Variants in TLN1 observed in about 807,000 individuals in gnomAD.
The protein encoded by TLN1 is talin-1.
TLN1 carries 56 observed loss-of-function variants against 292.3 expected under a neutral mutation model. That is an observed-to-expected ratio of 0.19 (90% CI 0.15 to 0.24). The LOEUF (loss-of-function observed/expected upper bound fraction) is 0.24. Among genes scored for constraint, TLN1 ranks in the 10% least tolerant of loss-of-function variants. The probability of loss-of-function intolerance (pLI) is 1.00; values close to 1 mark genes in which losing one functional copy is unlikely to be tolerated. For synonymous variants in TLN1, 1,119 were observed against 1,253.7 expected (o/e 0.89, Z 2.27); for missense variants, 2,433 against 3,248.2 (o/e 0.75, Z 6.10).
At chr9:35,723,293 T>C (rs776005948) in intron 7 of TLN1, 5 of 228,656 alleles carry the variant, frequency 2.2e-5, no homozygotes, top group African/African-American at 1.2e-4. Flanking sequence ...TAGAGATACA[T>C]GGTTTCTCCA....
rs1337523652 is a variant in TLN1 at position 35,697,896 on chromosome 9, T to C, written c.7521A>G (p.Glu2507=). The change falls in exon 57 of 57, where the codon GAA becomes GAG. Residue 2507 remains glutamate (E), a synonymous_variant. Transcript: ENST00000314888. ...CCAGCTCTCGTTCCTTCCGAAGCAT[T>C]TCTTCCTGTGCTGCGATGATCTGAG... ...GIAQIIAAQE[E]MLRKERELEE... is the part of the protein sequence containing the mutation. The C allele has an allele frequency of 1.9e-6, 3 of 1,614,188 alleles. No individual in the cohort carries two copies. The Admixed American group carries it at 5.0e-5, about 27-fold the overall frequency.
rs767331977 is a variant in TLN1, at chr9:35,698,835, G to C, written c.7098C>G (p.Ala2366=). The change falls in exon 53 of 57, where the codon GCC becomes GCG. Residue 2366 remains alanine (A), a synonymous_variant. Transcript: ENST00000314888. This position sits in a 1 kb window ranked among gnomAD's most constrained non-coding sequence, Gnocchi z 5.3. The part of the protein sequence containing the change: ...TSALVKAASA[A]QRELVAQGKV... ...TCCCTTGGGCCACTAGTTCTCTCTG[G>C]GCAGCCGACGCAGCCTTTACCAGTG... The C allele has an allele frequency of 3.1e-6, 5 of 1,614,108 alleles. No individual in the cohort carries two copies. Among genetic ancestry groups the C allele is most frequent in the Non-Finnish European group, 4.2e-6 (5 of 1,180,026 alleles).
At chr9:35,710,719 G>C (rs779423029) in intron 32 of TLN1, 36 bp from the exon 33 acceptor site, 1 of 1,613,618 alleles carries the variant, frequency 6.2e-7, no homozygotes. Flanking sequence ...GTCAGAGCAT[G>C]TCCTCAGAAC....
At chr9:35,716,010 G>A (rs766163929) in intron 20 of TLN1, among the ~76,000 whole-genome samples, 1 of 152,020 alleles carries the variant, frequency 6.6e-6, no homozygotes, top group Admixed American at 6.6e-5. Context: ...TACTATACAT[G>A]TATTGAAATG....
Position 35,716,377 on chromosome 9 carries a change from GA to G in TLN1, c.2625+12del. 1.2e-6 allele frequency: 2 copies of G among 1,614,012 alleles called. No individual in the cohort carries two copies. The highest frequency in any genetic ancestry group is 1.7e-6 in the Non-Finnish European group (2 of 1,179,926). On this transcript the variant is annotated intron_variant, in intron 20 of 56. Transcript: ENST00000314888. The stretch of plus-strand genomic sequence containing the variant: ...AGGGTCCAGTCTGGGAGTGTGCACA[GA>G]AGGCTTTGTACCTTGGCAGCCTCTA...
Position 35,708,250 on chromosome 9 carries a change from C to T in TLN1, c.4470+91G>A, listed in dbSNP as rs1825599911. On this transcript the variant is annotated intron_variant, in intron 34 of 56. Coordinates refer to ENST00000314888, the MANE Select transcript of TLN1 (RefSeq NM_006289.4). ...TGCAAGGTCAGAGATGGGTCCCTGCCCTCTTTCCCACATGCCTCACCTCCC... is the reference window on the plus strand; with the variant it reads ...TGCAAGGTCAGAGATGGGTCCCTGCTCTCTTTCCCACATGCCTCACCTCCC... The T allele has an allele frequency of 3.4e-6, 5 of 1,454,858 alleles. No homozygotes were observed. In the African/African-American group the frequency reaches 5.7e-5, roughly 17 times the overall value. The allele number at this position is 1,454,858 out of a possible 1,614,324, so 90.1% of individuals were successfully genotyped here. A position where few individuals can be genotyped will look rare whatever the true frequency, so the allele number is the denominator to read the frequency against.
In TLN1 at chr9:35,720,495, A is replaced by T. The variant is rs768004634; in HGVS notation, c.1221T>A (p.Asp407Glu). 1 of 1,613,998 alleles carries T rather than the reference A, an allele frequency of 6.2e-7. No homozygotes were observed. Among genetic ancestry groups the T allele is most frequent in the East Asian group, 2.2e-5 (1 of 44,870 alleles). ...DIILKKKKSK[D>E]HFGLEGDEES... is the part of the protein sequence containing the mutation. Reference sequence around the variant, plus strand: ...CCTCATCTCCTTCCAGCCCAAAGTGATCCTTGCTTTTTTTCTGTAGGAAGG... The same window carrying T: ...CCTCATCTCCTTCCAGCCCAAAGTGTTCCTTGCTTTTTTTCTGTAGGAAGG... The change falls in exon 12 of 57, where the codon GAT (aspartate) becomes GAA (glutamate). Residue 407 changes from aspartate to glutamate, a missense_variant. Around this residue, in one of 7 missense-constraint regions of TLN1, gnomAD observed 57 missense variants for 136.5 expected, o/e 0.42. Transcript: ENST00000314888.
At position 35,722,850 on chromosome 9, in the gene TLN1, C is replaced by A; in HGVS notation, c.843+11G>T. On this transcript the variant is annotated intron_variant, in intron 8 of 56. Transcript: ENST00000314888. ...CGGTCATCCCAAATACTTTCCCCTACCCACATTCACCTGGAAGATCTTACG... is the reference window on the plus strand; with the variant it reads ...CGGTCATCCCAAATACTTTCCCCTAACCACATTCACCTGGAAGATCTTACG... The A allele has an allele frequency of 6.2e-7, 1 of 1,613,582 alleles. No homozygotes were observed. The highest frequency in any genetic ancestry group is 8.5e-7 in the Non-Finnish European group (1 of 1,179,600).
In TLN1 at chr9:35,710,880, G is replaced by A. The variant is rs556004234; in HGVS notation, c.4120C>T (p.Arg1374Trp). Residue 1374 changes from arginine (R) to tryptophan (W), a missense_variant, in exon 32 of 57, where the codon CGG becomes TGG. Coordinates refer to ENST00000314888, the MANE Select transcript of TLN1 (RefSeq NM_006289.4). ...TGGACTGGGTTCTCCAGGAGTTCCCGGACCGTCTGTGTAGGGGGAGGGCAA... is the reference window on the plus strand; with the variant it reads ...TGGACTGGGTTCTCCAGGAGTTCCCAGACCGTCTGTGTAGGGGGAGGGCAA... ...DNALRELETV[R>W]ELLENPVQPI... 1.4e-5 allele frequency: 22 copies of A among 1,614,182 alleles called. No individual in the cohort carries two copies. The highest frequency in any genetic ancestry group is 1.8e-5 in the Non-Finnish European group (21 of 1,180,038).
At chr9:35,722,963 C>A (rs1825902941) in intron 7 of TLN1, 42 bp from the exon 8 acceptor site, 1 of 1,591,662 alleles carries the variant, frequency 6.3e-7, no homozygotes, top group Admixed American at 1.7e-5. Context: ...TAGACAGCAT[C>A]AGGGGACATG....
Position 35,724,722 on chromosome 9 carries a change from T to C in TLN1, c.361A>G (p.Ile121Val), listed in dbSNP as rs749249409. ...AATGAATATTCATCATGATTGGTGA[T>C]GCCTGAGGAAGGAGATGGCTTGTTA... is the stretch of plus-strand genomic sequence containing the variant. The part of the protein sequence containing the change: ...MLMTICARIG[I>V]TNHDEYSLVR... The change falls in exon 5 of 57, where the codon ATC (isoleucine) becomes GTC (valine). Residue 121 changes from isoleucine (I) to valine (V), a missense_variant and splice_region_variant. Around this residue, in one of 7 missense-constraint regions of TLN1, gnomAD observed 155 missense variants for 287.9 expected, o/e 0.54. Coordinates refer to ENST00000314888, the MANE Select transcript of TLN1 (RefSeq NM_006289.4). The surrounding 1 kb of genome is among the most constrained non-coding windows in gnomAD (Gnocchi z 4.7). The C allele has an allele frequency of 6.2e-7, 1 of 1,614,160 alleles. No homozygotes were observed. The highest frequency in any genetic ancestry group is 8.5e-7 in the Non-Finnish European group (1 of 1,180,032).
At position 35,707,583 on chromosome 9, in the gene TLN1, T is replaced by A; in HGVS notation, c.4633-95A>T. 6.3e-7 allele frequency: 1 copy of A among 1,576,708 alleles called. No homozygotes were observed. The highest frequency in any genetic ancestry group is 1.7e-5 in the Admixed American group (1 of 57,966). On this transcript the variant is annotated intron_variant, in intron 35 of 56. Transcript: ENST00000314888. The surrounding 1 kb of genome is among the most constrained non-coding windows in gnomAD (Gnocchi z 5.6). ...TCTCCTTCCTGGGACTTACAGGATT[T>A]GGGGAGAGGCTAGGTGGTCAGTCTG...
Position 35,711,235 on chromosome 9 carries a change from G to T in TLN1, c.4019+20C>A, listed in dbSNP as rs200057562. On this transcript the variant is annotated intron_variant, in intron 30 of 56. Transcript: ENST00000314888. ...TCTCTCTCACACAGTCCAGGGCTGG[G>T]CTTCTCAGCAACTACTTACCTGGCA... 2 of 1,613,948 alleles carry T rather than the reference G, an allele frequency of 1.2e-6. No individual in the cohort carries two copies. The highest frequency in any genetic ancestry group is 8.5e-7 in the Non-Finnish European group (1 of 1,180,044).
chr9:35,711,199 C>G, intron 30 of TLN1, 56 bp downstream of exon 30: 1 of 1,611,342 alleles, frequency 6.2e-7, no homozygotes, highest in Non-Finnish European at 8.5e-7. Flanking sequence ...CATGAACTGC[C>G]TGCTCCCCAG....
At position 35,711,621 on chromosome 9, in the gene TLN1, C is replaced by T. The variant is rs1165980732; in HGVS notation, c.3853G>A (p.Gly1285Ser). 1.2e-6 allele frequency: 2 copies of T among 1,613,994 alleles called. No individual in the cohort carries two copies. The highest frequency in any genetic ancestry group is 1.7e-4 in the Middle Eastern group (1 of 5,882). ...GQDFSTFLEA[G>S]VEMAGQAPSQ... The stretch of plus-strand genomic sequence containing the variant: ...GGAGCCTGGCCTGCCATCTCCACAC[C>T]AGCTTCCAGGAAGGTGCTGAAGTCC... Residue 1285 changes from glycine to serine, a missense_variant, in exon 29 of 57, where the codon GGT (glycine) becomes AGT (serine). Around this residue, in one of 7 missense-constraint regions of TLN1, gnomAD observed 1,384 missense variants for 1,699.6 expected, o/e 0.81. Transcript: ENST00000314888.
chr9:35,712,100 G>C lies in TLN1; in HGVS notation c.3586C>G (p.Leu1196Val), dbSNP rs550588728. 5.0e-6 allele frequency: 8 copies of C among 1,613,846 alleles called. No homozygotes were observed. The South Asian group carries it at 6.6e-5, about 13-fold the overall frequency. Residue 1196 changes from leucine to valine, a missense_variant, in exon 28 of 57, where the codon CTG becomes GTG. By Grantham distance (32) the Leu-to-Val change is conservative. Coordinates refer to ENST00000314888, the MANE Select transcript of TLN1 (RefSeq NM_006289.4). ...AQVAKAVTQA[L>V]NRCVSCLPGQ... ...GGTAGGCAGCTGACACAGCGGTTCA[G>C]AGCCTGGGTCACTGCTTTAGCCACC...
rs1224162595 is a variant in TLN1 at position 35,714,783 on chromosome 9, G to C, written c.2848C>G (p.Pro950Ala). 6.3e-7 allele frequency: 1 copy of C among 1,588,596 alleles called. No homozygotes were observed. Among genetic ancestry groups the C allele is most frequent in the East Asian group, 2.2e-5 (1 of 44,634 alleles). ...ACCTTGCAGCTCTGCACCAGCAGGG[G>C]CTGGGGGCCGGCAGAGGCCTTGGGG... ...STPKASAGPQ[P>A]LLVQSCKAVA... Residue 950 changes from proline (P) to alanine (A), a missense_variant, in exon 22 of 57, where the codon CCC (proline) becomes GCC (alanine). By Grantham distance (27) the Pro-to-Ala change is conservative. This residue lies in a region of TLN1 where 617 missense variants were observed against 770.6 expected (regional missense o/e 0.80). Coordinates refer to ENST00000314888, the MANE Select transcript of TLN1 (RefSeq NM_006289.4). This position sits in a 1 kb window ranked among gnomAD's most constrained non-coding sequence, Gnocchi z 4.6.
rs1442017328 is a variant in TLN1, at chr9:35,698,482, G to A, written c.7212C>T (p.Thr2404=). 8.1e-6 allele frequency: 13 copies of A among 1,613,898 alleles called. No individual in the cohort carries two copies. The highest frequency in any genetic ancestry group is 1.0e-5 in the Non-Finnish European group (12 of 1,179,942). The change falls in exon 55 of 57, where the codon ACC becomes ACT. Residue 2404 remains threonine, a synonymous_variant. Coordinates refer to ENST00000314888, the MANE Select transcript of TLN1 (RefSeq NM_006289.4). The surrounding 1 kb of genome is among the most constrained non-coding windows in gnomAD (Gnocchi z 5.3). ...ISAARMVAAA[T]NNLCEAANAA... ...CATTGGCTGCCTCACACAGATTGTT[G>A]GTGGCCGCAGCCACCATCCGGGCCT... is the stretch of plus-strand genomic sequence containing the variant.
At position 35,700,346 on chromosome 9, in the gene TLN1, T is replaced by C. The variant is rs1161833081; in HGVS notation, c.6505A>G (p.Thr2169Ala). 2 of 1,603,860 alleles carry C rather than the reference T, an allele frequency of 1.2e-6. No individual in the cohort carries two copies. Among genetic ancestry groups the C allele is most frequent in the East Asian group, 4.5e-5 (2 of 44,564 alleles). ...CGGATGAAGTCTTCTGGGGTAGAGG[T>C]CTTGGCAGGTGGCTCTGGGGAACAG... ...VFCSPEPPAKTSTPEDFIRMT... is the reference protein window; with the variant it reads ...VFCSPEPPAKASTPEDFIRMT... The change falls in exon 49 of 57, where the codon ACC (threonine) becomes GCC (alanine). Residue 2169 changes from threonine (T) to alanine (A), a missense_variant. Thr to Ala is a moderately conservative substitution (Grantham distance 58). This residue lies in a region of TLN1 where 1,384 missense variants were observed against 1,699.6 expected (regional missense o/e 0.81). Coordinates refer to ENST00000314888, the MANE Select transcript of TLN1 (RefSeq NM_006289.4).
Sources: gnomAD v4.1 joint callset for allele counts (sites outside exome capture counted in the v4.1 genomes callset) on GRCh38, gnomAD v4.1.1 for gene constraint, gnomAD v4.1.1 regional missense constraint, Gnocchi (gnomAD v3.1) non-coding constraint, MANE v1.5 for transcripts, NCBI Gene and HGNC (gene_info 2026-07-23, HGNC 2026-07-21) for gene names.